The following HS3ST4 variants were observed in gnomAD, a reference collection of about 807,000 sequenced individuals.
The protein encoded by HS3ST4 is heparan sulfate glucosamine 3-O-sulfotransferase 4.
Under a neutral mutation model 29.2 loss-of-function variants are expected in HS3ST4, and 17 were observed. The ratio of observed to expected loss-of-function variants is 0.58; its 90% CI spans 0.40 to 0.87. The LOEUF is 0.87. Among genes scored for constraint, HS3ST4 ranks in the 40% least tolerant of loss-of-function variants. The probability of loss-of-function intolerance (pLI) is 0.00; values close to 1 mark genes in which losing one functional copy is unlikely to be tolerated. For synonymous variants in HS3ST4, 314 were observed against 285.7 expected (o/e 1.10, Z -1.00); for missense variants, 627 against 634.5 (o/e 0.99, Z 0.13).
intron 1 of HS3ST4, among the ~76,000 whole-genome samples, chr16:26,081,069 T>A (rs1370860593): frequency 1.3e-5 from 2 of 152,120 alleles, no homozygotes; most frequent in South Asian, 4.1e-4. Context: ...GACAGATCAC[T>A]TGAGCTCAGG....
chr16:26,006,614 C>T (rs1377641597), intron 1 of HS3ST4, among the ~76,000 whole-genome samples: 1 of 152,090 alleles, frequency 6.6e-6, no homozygotes, highest in Admixed American at 6.5e-5. Flanking sequence ...GTTGGATGGG[C>T]ATGCAATCAT....
chr16:25,965,791 A>C (rs1003471448), intron 1 of HS3ST4, among the ~76,000 whole-genome samples: 4 of 152,236 alleles, frequency 2.6e-5, no homozygotes, highest in African/African-American at 9.6e-5. Flanking sequence ...TGATTGCAAC[A>C]TTATGTCTTT....
chr16:25,959,212 C>T (rs1028194324), intron 1 of HS3ST4, among the ~76,000 whole-genome samples: 3 of 152,160 alleles, frequency 2.0e-5, no homozygotes, highest in Non-Finnish European at 4.4e-5. Context: ...TCAACCTGAT[C>T]CCGTTCCTCT....
chr16:25,944,231 G>C (rs1479113418), intron 1 of HS3ST4, among the ~76,000 whole-genome samples: 1 of 152,198 alleles, frequency 6.6e-6, no homozygotes, highest in Non-Finnish European at 1.5e-5. Flanking sequence ...AGGCAGAATA[G>C]GATTTATTAA....
chr16:25,693,663 AC>A (rs1278032668), intron 1 of HS3ST4, among the ~76,000 whole-genome samples: 1 of 152,200 alleles, frequency 6.6e-6, no homozygotes, highest in Non-Finnish European at 1.5e-5. Flanking sequence ...GGGAACAGTT[AC>A]AAAGATCATG....
chr16:25,922,518 G>A (rs572522265), intron 1 of HS3ST4, among the ~76,000 whole-genome samples: 30 of 152,314 alleles, frequency 2.0e-4, no homozygotes, highest in Admixed American at 7.2e-4. Flanking sequence ...TTTTGTTATA[G>A]CAGCCTGAAC....
intron 1 of HS3ST4, among the ~76,000 whole-genome samples, chr16:25,801,752 G>T (rs1294454758): frequency 6.6e-6 from 1 of 151,870 alleles, no homozygotes; most frequent in Non-Finnish European, 1.5e-5. Flanking sequence ...TTTTATAAAG[G>T]CTATTTATTT....
At chr16:25,764,279 G>A (rs1221031320) in intron 1 of HS3ST4, among the ~76,000 whole-genome samples, 1 of 152,216 alleles carries the variant, frequency 6.6e-6, no homozygotes, top group African/African-American at 2.4e-5. Flanking sequence ...AGGAGAAAGA[G>A]AGGGTGAGAA....
chr16:25,991,957 CT>C (rs1969117901), intron 1 of HS3ST4, among the ~76,000 whole-genome samples: 1 of 152,138 alleles, frequency 6.6e-6, no homozygotes, highest in African/African-American at 2.4e-5. Context: ...GGAGGCAGAG[CT>C]TATAGTGAGC....
intron 1 of HS3ST4, among the ~76,000 whole-genome samples, chr16:25,836,907 A>G (rs1478514462): frequency 2.6e-5 from 4 of 152,206 alleles, no homozygotes; most frequent in Non-Finnish European, 4.4e-5. Context: ...CCCAAAATGT[A>G]CTCGACAACT....
intron 1 of HS3ST4, among the ~76,000 whole-genome samples, chr16:25,982,464 T>C (rs988819457): frequency 6.6e-6 from 1 of 152,176 alleles, no homozygotes; most frequent in Non-Finnish European, 1.5e-5. Context: ...ATTTACTTTT[T>C]GGGGCCAAAT....
chr16:25,909,267 C>A (rs958930719), intron 1 of HS3ST4, among the ~76,000 whole-genome samples: 6 of 152,146 alleles, frequency 3.9e-5, no homozygotes, highest in African/African-American at 1.4e-4. Context: ...CAGCTCACTG[C>A]AACCTCCACC....
At chr16:26,050,950 ACTGT>A (rs1898334364) in intron 1 of HS3ST4, among the ~76,000 whole-genome samples, 1 of 152,088 alleles carries the variant, frequency 6.6e-6, no homozygotes, top group Admixed American at 6.5e-5. Context: ...AATGTTAAAC[ACTGT>A]CTGCATCCTG....
At chr16:26,074,571 C>T (rs1417925770) in intron 1 of HS3ST4, among the ~76,000 whole-genome samples, 1 of 152,198 alleles carries the variant, frequency 6.6e-6, no homozygotes, top group African/African-American at 2.4e-5. Context: ...AGCCAACATA[C>T]TACAAATGAT....
At chr16:26,088,426 TG>T (rs538642266) in intron 1 of HS3ST4, among the ~76,000 whole-genome samples, 56 of 152,348 alleles carry the variant, frequency 3.7e-4, no homozygotes, top group African/African-American at 1.3e-3. Flanking sequence ...TGTGGTTTTT[TG>T]TGTTTGGTTG....
In HS3ST4 at chr16:25,903,569, C is replaced by T. The variant is rs148742804; in HGVS notation, c.734+210418C>T. On this transcript the variant is annotated intron_variant, in intron 1 of 1. Coordinates refer to ENST00000331351, the MANE Select transcript of HS3ST4 (RefSeq NM_006040.3). ...CCTTGTAGATCCACATAGCAACTGA[C>T]GTTCCTTACTTATTAGAAGCAAAAG... Among the ~76,000 whole-genome samples, 344 of 152,056 alleles carry T rather than the reference C, an allele frequency of 2.3e-3. 2 individuals carry two copies. The highest frequency in any genetic ancestry group is 3.3e-3 in the Non-Finnish European group (226 of 67,980).
rs571707597 is a variant in HS3ST4 at position 25,784,931 on chromosome 16, A to G, written c.734+91780A>G. Among the ~76,000 whole-genome samples the G allele has an allele frequency of 8.4e-4, 128 of 152,352 alleles. 1 individual carries two copies. The highest frequency in any genetic ancestry group is 3.0e-3 in the African/African-American group (125 of 41,582). ...TCAATGCCTGGCTTCAAAGCTTCAA[A>G]TGACAGGCTAACTTTTGTTAGGAAG... On this transcript the variant is annotated intron_variant, in intron 1 of 1. Transcript: ENST00000331351.
At chr16:26,082,556 C>T (rs1010693160) in intron 1 of HS3ST4, among the ~76,000 whole-genome samples, 5 of 152,186 alleles carry the variant, frequency 3.3e-5, no homozygotes, top group African/African-American at 9.7e-5. Context: ...TTATGGTAGA[C>T]ATTACTCATG....
At chr16:25,710,522 GGTTGGA>G (rs1486588119) in intron 1 of HS3ST4, among the ~76,000 whole-genome samples, 3 of 72,992 alleles carry the variant, frequency 4.1e-5, no homozygotes, top group African/African-American at 1.1e-4. Flanking sequence ...CTGTGGAGCA[GGTTGGA>G]GTCTGGCTCG....
Sources: allele counts gnomAD v4.1 joint callset (sites outside exome capture counted in the v4.1 genomes callset), GRCh38; gene constraint gnomAD v4.1.1; transcripts MANE v1.5; gene names NCBI Gene and HGNC (gene_info 2026-07-23, HGNC 2026-07-21).